MTUS2: variants seen among roughly 807,000 people sequenced by gnomAD.
MTUS2 encodes microtubule associated scaffold protein 2.
A neutral mutation model predicts 114.1 loss-of-function variants in MTUS2; 40 were observed. The ratio of observed to expected loss-of-function variants is 0.35; its 90% CI spans 0.27 to 0.46. MTUS2 has a LOEUF of 0.46. Among genes scored for constraint, MTUS2 ranks in the 20% least tolerant of loss-of-function variants. The pLI is 1.00. For missense variants in MTUS2, 1,679 were observed against 1,705.4 expected, an observed-to-expected ratio of 0.98 and a Z score of 0.27; for synonymous variants, 688 against 672.0, an observed-to-expected ratio of 1.02 and a Z score of -0.37.
At chr13:29,230,096 A>T (rs1896266086) in intron 5 of MTUS2, among the ~76,000 whole-genome samples, 1 of 152,066 alleles carries the variant, frequency 6.6e-6, no homozygotes, top group Non-Finnish European at 1.5e-5. Flanking sequence ...AATACAAAAA[A>T]TTAGCCGGGC....
chr13:28,835,998 C>A (rs1166334148), intron 1 of MTUS2, among the ~76,000 whole-genome samples: 1 of 151,594 alleles, frequency 6.6e-6, no homozygotes, highest in African/African-American at 2.4e-5. Flanking sequence ...TGCTTAGCAT[C>A]GTGTTAATGG....
intron 4 of MTUS2, among the ~76,000 whole-genome samples, chr13:29,055,975 A>G (rs1888116559): frequency 6.6e-6 from 1 of 151,898 alleles, no homozygotes; most frequent in Non-Finnish European, 1.5e-5. Context: ...TGTAGGATGC[A>G]TAGTTTGCAA....
At chr13:29,481,135 A>T (rs1870331941) in intron 10 of MTUS2, among the ~76,000 whole-genome samples, 1 of 152,196 alleles carries the variant, frequency 6.6e-6, no homozygotes, top group Non-Finnish European at 1.5e-5. Flanking sequence ...AGAGTACCAC[A>T]CAATATCCAT....
At chr13:29,041,412 CT>C (rs1186046948) in intron 4 of MTUS2, among the ~76,000 whole-genome samples, 1 of 151,962 alleles carries the variant, frequency 6.6e-6, no homozygotes, top group Non-Finnish European at 1.5e-5. Flanking sequence ...TTTGCTTAGC[CT>C]TACTTTGGGT....
intron 9 of MTUS2, among the ~76,000 whole-genome samples, chr13:29,456,104 A>G (rs1879089257): frequency 6.6e-6 from 1 of 152,258 alleles, no homozygotes; most frequent in Non-Finnish European, 1.5e-5. Flanking sequence ...TAGCACTTCT[A>G]GAAATAGAGG....
intron 5 of MTUS2, chr13:29,250,535 A>T (rs1235444048): frequency 6.6e-6 from 1 of 150,888 alleles, no homozygotes; most frequent in Admixed American, 6.6e-5. Flanking sequence ...CACAGGAGCT[A>T]CACTCCGGAG....
intron 9 of MTUS2, among the ~76,000 whole-genome samples, chr13:29,464,733 G>A (rs1879766431): frequency 6.6e-6 from 1 of 152,034 alleles, no homozygotes; most frequent in Non-Finnish European, 1.5e-5. Context: ...TCCGATAATT[G>A]GTATTGCAGC....
At chr13:29,016,276 C>T (rs922430102) in intron 2 of MTUS2, among the ~76,000 whole-genome samples, 2 of 150,950 alleles carry the variant, frequency 1.3e-5, no homozygotes, top group Non-Finnish European at 1.5e-5. Flanking sequence ...AAAAACAAAA[C>T]AAAATAAACA....
At chr13:29,079,480 C>A (rs1351121410) in intron 4 of MTUS2, among the ~76,000 whole-genome samples, 1 of 152,066 alleles carries the variant, frequency 6.6e-6, no homozygotes, top group African/African-American at 2.4e-5. Flanking sequence ...AGCTAAGAAA[C>A]CATTGGCTAA....
intron 4 of MTUS2, among the ~76,000 whole-genome samples, chr13:29,060,267 G>A (rs1036061786): frequency 1.3e-5 from 2 of 152,198 alleles, no homozygotes; most frequent in Non-Finnish European, 2.9e-5. Flanking sequence ...AAAATGTCCA[G>A]GTGGCTCTCT....
intron 5 of MTUS2, among the ~76,000 whole-genome samples, chr13:29,229,585 A>G (rs1042835751): frequency 6.6e-6 from 1 of 152,214 alleles, no homozygotes; most frequent in Admixed American, 6.5e-5. Flanking sequence ...GTCTCAATTT[A>G]CCATTTTAAT....
At chr13:28,842,789 A>G (rs1784851424) in intron 2 of MTUS2, among the ~76,000 whole-genome samples, 1 of 152,180 alleles carries the variant, frequency 6.6e-6, no homozygotes, top group African/African-American at 2.4e-5. Context: ...CATGTGCTTG[A>G]TGTGTGCTTA....
At chr13:28,871,540 C>G (rs151080997) in intron 2 of MTUS2, among the ~76,000 whole-genome samples, 2 of 152,242 alleles carry the variant, frequency 1.3e-5, no homozygotes, top group African/African-American at 4.8e-5. Flanking sequence ...TTCATTTACC[C>G]CATAAATGTT....
intron 5 of MTUS2, among the ~76,000 whole-genome samples, chr13:29,271,645 C>T (rs1897885164): frequency 6.6e-6 from 1 of 152,156 alleles, no homozygotes; most frequent in African/African-American, 2.4e-5. Flanking sequence ...CCAAGCAGCT[C>T]GTGTGTTCAT....
At chr13:29,461,993 C>T (rs1328432205) in intron 9 of MTUS2, among the ~76,000 whole-genome samples, 2 of 152,046 alleles carry the variant, frequency 1.3e-5, no homozygotes, top group Admixed American at 6.5e-5. Flanking sequence ...GCTGAGGGAG[C>T]TGGGAGAAGG....
intron 2 of MTUS2, among the ~76,000 whole-genome samples, chr13:29,009,867 A>G (rs1310435833): frequency 6.6e-6 from 1 of 152,050 alleles, no homozygotes; most frequent in East Asian, 1.9e-4. Context: ...AGGGCCACAT[A>G]TTATGTGTTG....
intron 2 of MTUS2, among the ~76,000 whole-genome samples, chr13:28,942,971 A>G (rs1301099110): frequency 1.3e-5 from 2 of 152,214 alleles, no homozygotes; most frequent in Non-Finnish European, 2.9e-5. Flanking sequence ...GAAACGATAT[A>G]TTAATACTAA....
rs1360378781 is a variant in MTUS2 at position 29,492,012 on chromosome 13, T to A, written c.3506-634T>A. Among the ~76,000 whole-genome samples the A allele has an allele frequency of 5.9e-5, 4 of 68,146 alleles. 1 individual carries two copies. The highest frequency in any genetic ancestry group is 2.5e-4 in the African/African-American group (4 of 15,864). 44.7% of individuals were successfully genotyped at this position (68,146 alleles called of 152,430 possible). A position where few individuals can be genotyped will look rare whatever the true frequency, so the allele number is the denominator to read the frequency against. On this transcript the variant is annotated intron_variant, in intron 11 of 15. Transcript: ENST00000612955. ...GTGGTGTATGGTGTGTATGTGAATG[T>A]GTGTGGTAGGTGTGTGTGTAGTGTG...
Position 28,862,099 on chromosome 13 carries a change from C to T in MTUS2, c.-243+22249C>T, listed in dbSNP as rs568592960. On this transcript the variant is annotated intron_variant, in intron 2 of 15. Transcript: ENST00000612955. ...TATACCCCTTGTCTATAGATACCCC[C>T]TTGGCCTCACACATGAATAGAAAAT... Among the ~76,000 whole-genome samples the T allele has an allele frequency of 2.9e-4, 44 of 152,280 alleles. 2 individuals are homozygous for T. In the South Asian group the frequency reaches 8.9e-3, roughly 31 times the overall value.
Sources: allele counts gnomAD v4.1 joint callset (sites outside exome capture counted in the v4.1 genomes callset), GRCh38; gene constraint gnomAD v4.1.1; transcripts MANE v1.5; gene names NCBI Gene and HGNC (gene_info 2026-07-23, HGNC 2026-07-21).